Variants in GPR158 observed in about 807,000 individuals in gnomAD.
The protein encoded by GPR158 is G protein-coupled receptor 158, also known as metabotropic glycine receptor.
A neutral mutation model predicts 78.2 loss-of-function variants in GPR158; 30 were observed. The ratio of observed to expected loss-of-function variants is 0.38; its 90% CI spans 0.29 to 0.52. The LOEUF is 0.52. Among genes scored for constraint, GPR158 ranks in the 20% least tolerant of loss-of-function variants. The pLI, the probability that GPR158 is intolerant of heterozygous loss-of-function variation, is 0.83. For synonymous variants in GPR158, 581 were observed against 591.1 expected (o/e 0.98, Z 0.25); for missense variants, 1,463 against 1,523.5 (o/e 0.96, Z 0.66).
intron 2 of GPR158, among the ~76,000 whole-genome samples, chr10:25,372,072 A>G (rs1399186452): frequency 7.3e-6 from 1 of 136,854 alleles, no homozygotes; most frequent in African/African-American, 2.9e-5. Context: ...TTCTCAAAAG[A>G]AGACATTTAT....
intron 4 of GPR158, among the ~76,000 whole-genome samples, chr10:25,426,603 A>T (rs1039271466): frequency 1.3e-5 from 2 of 152,234 alleles, no homozygotes; most frequent in East Asian, 3.9e-4. Flanking sequence ...CAGTCAGTGG[A>T]GCAGTCAGAA....
chr10:25,345,709 C>T (rs1232644520), intron 2 of GPR158, among the ~76,000 whole-genome samples: 2 of 151,872 alleles, frequency 1.3e-5, no homozygotes, highest in East Asian at 1.9e-4. Context: ...TGACTTTCAT[C>T]GCAGTTTTCA....
intron 5 of GPR158, among the ~76,000 whole-genome samples, chr10:25,519,635 C>T (rs1212512580): frequency 1.4e-5 from 2 of 143,664 alleles, no homozygotes; most frequent in Non-Finnish European, 3.0e-5. Context: ...ACTTACGAAG[C>T]TTAGCTTGGC....
At chr10:25,553,871 G>C (rs1836755894) in intron 6 of GPR158, among the ~76,000 whole-genome samples, 1 of 152,176 alleles carries the variant, frequency 6.6e-6, no homozygotes, top group Admixed American at 6.6e-5. Flanking sequence ...CTGAGAATTA[G>C]TTTTCTCATC....
rs1262309705 is a variant in GPR158 at position 25,601,696 on chromosome 10, A to C, written c.*2422A>C. The C allele has an allele frequency of 6.6e-6, 1 of 152,610 alleles. No homozygotes were observed. Among genetic ancestry groups the C allele is most frequent in the Non-Finnish European group, 1.5e-5 (1 of 68,034 alleles). The allele number at this position is 152,610 out of a possible 1,614,324, so 9.5% of individuals were successfully genotyped here. A position where few individuals can be genotyped will look rare whatever the true frequency, so the allele number is the denominator to read the frequency against. The stretch of plus-strand genomic sequence containing the variant: ...TCAACAAGAGAAGTTGAAATTTACA[A>C]GTCAGGAGGTTATTTTTCCAGATTG... On this transcript the variant is annotated 3_prime_UTR_variant, in exon 11 of 11. Transcript: ENST00000376351.
At chr10:25,185,621 A>C (rs536747036) in intron 1 of GPR158, among the ~76,000 whole-genome samples, 6 of 152,304 alleles carry the variant, frequency 3.9e-5, no homozygotes, top group African/African-American at 1.4e-4. Context: ...CAGGAGATCG[A>C]GACTATCCTG....
At chr10:25,372,276 C>G (rs1487650383) in intron 2 of GPR158, among the ~76,000 whole-genome samples, 4 of 151,938 alleles carry the variant, frequency 2.6e-5, no homozygotes, top group Admixed American at 2.6e-4. Context: ...TAAACTGGTT[C>G]AACCATTGTG....
At chr10:25,221,906 G>A (rs939998008) in intron 2 of GPR158, among the ~76,000 whole-genome samples, 7 of 152,136 alleles carry the variant, frequency 4.6e-5, no homozygotes, top group African/African-American at 1.7e-4. Context: ...ATGAGTTTGT[G>A]AGGAAAGTCA....
At chr10:25,467,072 G>A (rs565464527) in intron 5 of GPR158, among the ~76,000 whole-genome samples, 1 of 152,168 alleles carries the variant, frequency 6.6e-6, no homozygotes, top group African/African-American at 2.4e-5. Flanking sequence ...ATACATTTTA[G>A]GGAGGCATGA....
In GPR158 at chr10:25,323,411, C is replaced by G. The variant is rs140492474; in HGVS notation, c.1009-72500C>G. Among the ~76,000 whole-genome samples, 45 of 152,224 alleles carry G rather than the reference C, an allele frequency of 3.0e-4. No individual in the cohort carries two copies. The East Asian group carries it at 7.7e-3, about 26-fold the overall frequency. On this transcript the variant is annotated intron_variant, in intron 2 of 10. Coordinates refer to ENST00000376351, the MANE Select transcript of GPR158 (RefSeq NM_020752.3). ...TGGAAACTTTGAAGCTAGGCATTGA[C>G]TTCTCCTCTCTAGCTATGAAAGGCC...
intron 4 of GPR158, among the ~76,000 whole-genome samples, chr10:25,453,321 T>TA (rs1185000660): frequency 6.6e-6 from 1 of 152,242 alleles, no homozygotes; most frequent in Non-Finnish European, 1.5e-5. Context: ...ATAATGGCTA[T>TA]ACTAATTTAC....
intron 2 of GPR158, among the ~76,000 whole-genome samples, chr10:25,361,664 G>T (rs772613966): frequency 1.3e-5 from 2 of 151,848 alleles, no homozygotes; most frequent in Non-Finnish European, 2.9e-5. Context: ...TTGTGGTTTT[G>T]ATTTGCATTT....
At chr10:25,504,282 G>A (rs1835982015) in intron 5 of GPR158, among the ~76,000 whole-genome samples, 1 of 152,202 alleles carries the variant, frequency 6.6e-6, no homozygotes, top group South Asian at 2.1e-4. Flanking sequence ...GAATAAATGA[G>A]TGAGTGAATG....
intron 6 of GPR158, among the ~76,000 whole-genome samples, chr10:25,553,447 A>G (rs967694157): frequency 7.9e-5 from 12 of 152,250 alleles, no homozygotes; most frequent in African/African-American, 2.6e-4. Flanking sequence ...TGTGAACCAT[A>G]TGGCTTTACT....
chr10:25,516,511 G>A lies in GPR158; in HGVS notation c.1405-34465G>A, dbSNP rs1442927736. On this transcript the variant is annotated intron_variant, in intron 5 of 10. Coordinates refer to ENST00000376351, the MANE Select transcript of GPR158 (RefSeq NM_020752.3). Reference sequence around the variant, plus strand: ...GGGTTTTTATGGTTTTAGGTCTAACGTTTAAATCTTTAATCCATCTTGAAT... The same window carrying A: ...GGGTTTTTATGGTTTTAGGTCTAACATTTAAATCTTTAATCCATCTTGAAT... Among the ~76,000 whole-genome samples the A allele has an allele frequency of 1.2e-3, 174 of 145,278 alleles. 2 individuals are homozygous for A. The highest frequency in any genetic ancestry group is 8.1e-3 in the East Asian group (40 of 4,944).
chr10:25,241,224 TTTCTTTCCTTTCTTTCCTTTCTTTC>T (rs1853610856), intron 2 of GPR158, among the ~76,000 whole-genome samples: 2 of 89,884 alleles, frequency 2.2e-5, no homozygotes, highest in Non-Finnish European at 2.0e-5. Context: ...TTCTTTCCTT[TTTCTTTCCTTTCTTTCCTTTCTTTC>T]CTTTCTTTCC....
intron 5 of GPR158, among the ~76,000 whole-genome samples, chr10:25,532,317 G>A (rs1029000339): frequency 1.3e-5 from 2 of 152,078 alleles, no homozygotes; most frequent in Admixed American, 1.3e-4. Flanking sequence ...CCAGGGACAG[G>A]GTATGCCTAA....
chr10:25,196,909 C>G (rs1852852084), intron 1 of GPR158, among the ~76,000 whole-genome samples: 1 of 152,220 alleles, frequency 6.6e-6, no homozygotes, highest in Admixed American at 6.5e-5. Flanking sequence ...TGCCTGCCAA[C>G]TATGGTCTTA....
chr10:25,435,464 C>T (rs1414781338), intron 4 of GPR158, among the ~76,000 whole-genome samples: 1 of 151,824 alleles, frequency 6.6e-6, no homozygotes, highest in African/African-American at 2.4e-5. Flanking sequence ...ACGGGTATCC[C>T]AGAAAAAGAA....
Sources: gnomAD v4.1 joint callset for allele counts (sites outside exome capture counted in the v4.1 genomes callset) on GRCh38, gnomAD v4.1.1 for gene constraint, MANE v1.5 for transcripts, NCBI Gene and HGNC (gene_info 2026-07-23, HGNC 2026-07-21) for gene names.